Variants in PAH observed in about 807,000 individuals in gnomAD.
The protein encoded by PAH is phenylalanine hydroxylase.
In PAH, 64 loss-of-function variants were observed where a neutral mutation model predicts 62.0. The ratio of observed to expected loss-of-function variants is 1.03; its 90% CI spans 0.84 to 1.27. The LOEUF is 1.27. PAH is among the 50% of genes most tolerant of loss of function. PAH has a pLI of 0.00. For missense variants in PAH, 579 were observed against 542.8 expected, an observed-to-expected ratio of 1.07 and a Z score of -0.66; for synonymous variants, 195 against 196.2, an observed-to-expected ratio of 0.99 and a Z score of 0.05.
At chr12:102,844,509 C>T in intron 9 of PAH, 78 bp from the exon 10 acceptor site, 1 of 922,610 alleles carries the variant, frequency 1.1e-6, no homozygotes, top group Admixed American at 1.9e-5. Context: ...TGAAGGGATA[C>T]CTGAATAGAT....
At chr12:102,899,590 T>C (rs1378717498) in intron 2 of PAH, among the ~76,000 whole-genome samples, 4 of 151,902 alleles carry the variant, frequency 2.6e-5, no homozygotes, top group African/African-American at 9.7e-5. Context: ...CCGGGCGCGG[T>C]GGCTCACGCC....
At chr12:102,908,493 C>G (rs1456527404) in intron 2 of PAH, among the ~76,000 whole-genome samples, 1 of 152,202 alleles carries the variant, frequency 6.6e-6, no homozygotes, top group Non-Finnish European at 1.5e-5. Context: ...AAAATGCTGT[C>G]TCTCTTCTCT....
chr12:102,914,671 C>G (rs1345695297), intron 1 of PAH: 1 of 152,210 alleles, frequency 6.6e-6, no homozygotes, highest in Non-Finnish European at 1.5e-5. Flanking sequence ...AAAAGATATT[C>G]CTGTCTCTAG....
intron 1 of PAH, among the ~76,000 whole-genome samples, chr12:102,932,836 G>T (rs533894429): frequency 6.6e-6 from 1 of 152,256 alleles, no homozygotes; most frequent in African/African-American, 2.4e-5. Context: ...TTGTGAGTAT[G>T]TAGTAGGTGT....
chr12:102,926,298 G>A (rs1242028825), intron 1 of PAH, among the ~76,000 whole-genome samples: 3 of 151,988 alleles, frequency 2.0e-5, no homozygotes, highest in East Asian at 3.9e-4. Context: ...ATTATGGAAA[G>A]GCTCCAAATG....
intron 4 of PAH, among the ~76,000 whole-genome samples, chr12:102,872,212 T>C (rs912663486): frequency 6.6e-6 from 1 of 152,144 alleles, no homozygotes; most frequent in African/African-American, 2.4e-5. Flanking sequence ...TTAAGACACA[T>C]AATTATGGCT....
chr12:102,844,379 T>C lies in PAH; in HGVS notation c.1022A>G (p.Lys341Arg), dbSNP rs62516153. 1.2e-6 allele frequency: 2 copies of C among 1,613,904 alleles called. No homozygotes were observed. Among genetic ancestry groups the C allele is most frequent in the Non-Finnish European group, 1.7e-6 (2 of 1,179,830 alleles). The change falls in exon 10 of 13, where the codon AAG (lysine) becomes AGG (arginine). Residue 341 changes from lysine (K) to arginine (R), a missense_variant. Transcript: ENST00000553106. ...TGACAGGAGCCCAGCACCATATGCCTTTATGGAGTCTCCTTGTTTGCAGAG... is the reference window on the plus strand; with the variant it reads ...TGACAGGAGCCCAGCACCATATGCCCTTATGGAGTCTCCTTGTTTGCAGAG... ...FGLCKQGDSI[K>R]AYGAGLLSSF...
At chr12:102,908,760 T>A (rs1302587522) in intron 2 of PAH, among the ~76,000 whole-genome samples, 2 of 152,194 alleles carry the variant, frequency 1.3e-5, no homozygotes, top group Non-Finnish European at 2.9e-5. Context: ...TTCAAATTTC[T>A]TTAGTTTATA....
intron 3 of PAH, 66 bp from the exon 4 acceptor site, chr12:102,877,616 G>A: frequency 8.3e-7 from 1 of 1,206,840 alleles, no homozygotes. Flanking sequence ...GCCTTGCTGA[G>A]ATCAGAAGTG....
chr12:102,907,391 C>CAT (rs1878019028), intron 2 of PAH, among the ~76,000 whole-genome samples: 1 of 152,130 alleles, frequency 6.6e-6, no homozygotes, highest in Non-Finnish European at 1.5e-5. Context: ...AGTTCAATGC[C>CAT]ATTTCCACTG....
At chr12:102,873,805 T>A (rs1876457140) in intron 4 of PAH, among the ~76,000 whole-genome samples, 1 of 152,202 alleles carries the variant, frequency 6.6e-6, no homozygotes, top group Non-Finnish European at 1.5e-5. Flanking sequence ...AAACATTGCA[T>A]TGACTGGGTT....
chr12:102,876,963 T>A (rs1268697991), intron 4 of PAH, among the ~76,000 whole-genome samples: 1 of 152,116 alleles, frequency 6.6e-6, no homozygotes. Context: ...TGTGGATGCT[T>A]CCAAGACTCT....
chr12:102,844,273 A>T, intron 10 of PAH, 63 bp downstream of exon 10: 1 of 1,146,984 alleles, frequency 8.7e-7, no homozygotes, highest in Non-Finnish European at 1.3e-6. Flanking sequence ...TATTGAAAGC[A>T]CAATAATGGT....
intron 1 of PAH, among the ~76,000 whole-genome samples, chr12:102,929,172 T>G (rs1389244846): frequency 3.3e-5 from 5 of 152,156 alleles, no homozygotes. Flanking sequence ...GAATGGTGGG[T>G]CAATTAAACC....
chr12:102,901,787 T>C (rs914093672), intron 2 of PAH, among the ~76,000 whole-genome samples: 1 of 152,160 alleles, frequency 6.6e-6, no homozygotes, highest in Non-Finnish European at 1.5e-5. Flanking sequence ...TTACAAAAAA[T>C]GCCCTAAATC....
chr12:102,951,094 A>G (rs557922075), upstream of PAH, among the ~76,000 whole-genome samples: 1 of 152,118 alleles, frequency 6.6e-6, no homozygotes, highest in Non-Finnish European at 1.5e-5. Context: ...CTTCCCTCCT[A>G]TATGCAAACT....
intron 5 of PAH, among the ~76,000 whole-genome samples, chr12:102,863,352 C>T (rs976882161): frequency 2.0e-5 from 3 of 152,110 alleles, no homozygotes; most frequent in Non-Finnish European, 4.4e-5. Context: ...CTGGTTGACA[C>T]CTGCTGTTCT....
intron 4 of PAH, among the ~76,000 whole-genome samples, chr12:102,866,905 C>G (rs1809623887): frequency 6.6e-6 from 1 of 152,172 alleles, no homozygotes; most frequent in Non-Finnish European, 1.5e-5. Context: ...TGTGCATGAT[C>G]TGTTCTTAAA....
At chr12:102,885,518 C>T (rs1224919728) in intron 3 of PAH, among the ~76,000 whole-genome samples, 1 of 152,118 alleles carries the variant, frequency 6.6e-6, no homozygotes, top group South Asian at 2.1e-4. Flanking sequence ...CGGAGGCACC[C>T]GGTGGGGGCA....
Sources: gnomAD v4.1 joint callset for allele counts (sites outside exome capture counted in the v4.1 genomes callset) on GRCh38, gnomAD v4.1.1 for gene constraint, MANE v1.5 for transcripts, NCBI Gene and HGNC (gene_info 2026-07-23, HGNC 2026-07-21) for gene names.